LOC728743: variants seen among roughly 807,000 people sequenced by gnomAD.
chr7:150,408,007 C>T, the LOC728743 span: 5 of 398,210 alleles, frequency 1.3e-5, no homozygotes, highest in South Asian at 1.3e-4. Context: ...GCGGCCGCTG[C>T]TTCCGCGAGC....
chr7:150,403,934 G>T, the LOC728743 span, among the ~76,000 whole-genome samples: 1 of 152,220 alleles, frequency 6.6e-6, no homozygotes, highest in Admixed American at 6.5e-5. This position sits in a 1 kb window ranked among gnomAD's most constrained non-coding sequence, Gnocchi z 5.1. Context: ...GGAAGGGGCT[G>T]ATTTTACAGC....
the LOC728743 span, among the ~76,000 whole-genome samples, chr7:150,409,263 G>T: frequency 6.6e-6 from 1 of 152,036 alleles, no homozygotes; most frequent in African/African-American, 2.4e-5. Flanking sequence ...TGAGTGCTAT[G>T]ATCTCAGACT....
At chr7:150,403,585 G>A in the LOC728743 span, among the ~76,000 whole-genome samples, 1 of 152,244 alleles carries the variant, frequency 6.6e-6, no homozygotes, top group Non-Finnish European at 1.5e-5. This position sits in a 1 kb window ranked among gnomAD's most constrained non-coding sequence, Gnocchi z 5.1. Flanking sequence ...TGTGCTCCGA[G>A]TGGAGGCACG....
At chr7:150,402,376 A>G in the LOC728743 span, among the ~76,000 whole-genome samples, 1 of 152,244 alleles carries the variant, frequency 6.6e-6, no homozygotes, top group Non-Finnish European at 1.5e-5. Context: ...ACAGGGCAGC[A>G]GCTTTGCCTG....
At chr7:150,405,001 C>A in the LOC728743 span, 3 of 152,258 alleles carry the variant, frequency 2.0e-5, no homozygotes. Context: ...GTGGGCCTGG[C>A]CTTGGGATTA....
the LOC728743 span, among the ~76,000 whole-genome samples, chr7:150,401,270 C>T: frequency 3.3e-5 from 5 of 152,166 alleles, no homozygotes; most frequent in African/African-American, 4.8e-5. Flanking sequence ...TCAAGTCGTC[C>T]GGTAAGGCAG....
chr7:150,405,076 T>C, the LOC728743 span: 1 of 152,380 alleles, frequency 6.6e-6, no homozygotes, highest in East Asian at 1.9e-4. Context: ...AGGGGGAATG[T>C]CTGGGTCGGC....
the LOC728743 span, chr7:150,408,141 G>T: frequency 2.6e-6 from 1 of 389,210 alleles, no homozygotes; most frequent in Non-Finnish European, 4.5e-6. Flanking sequence ...AGCTTCGCGC[G>T]CGAGGGCTCG....
the LOC728743 span, chr7:150,411,882 T>G: frequency 6.5e-6 from 1 of 152,740 alleles, no homozygotes; most frequent in Non-Finnish European, 1.5e-5. Flanking sequence ...CTCGGACATG[T>G]CCCCTTTCCT....
At chr7:150,401,726 A>C in the LOC728743 span, among the ~76,000 whole-genome samples, 1 of 152,188 alleles carries the variant, frequency 6.6e-6, no homozygotes, top group Non-Finnish European at 1.5e-5. Context: ...TGATGATGAC[A>C]GCGCTCTATT....
the LOC728743 span, chr7:150,407,634 G>T: frequency 2.5e-6 from 1 of 398,988 alleles, no homozygotes; most frequent in Non-Finnish European, 4.4e-6. Context: ...GCGTCCTCCG[G>T]GGGCGGGTCC....
At chr7:150,410,073 C>A in the LOC728743 span, 1 of 398,526 alleles carries the variant, frequency 2.5e-6, no homozygotes, top group Non-Finnish European at 4.4e-6. Flanking sequence ...GCCAGCTGAT[C>A]GCTCCCTCCT....
the LOC728743 span, among the ~76,000 whole-genome samples, chr7:150,402,152 G>A: frequency 6.6e-6 from 1 of 152,010 alleles, no homozygotes; most frequent in Non-Finnish European, 1.5e-5. Flanking sequence ...CCATGGAAAG[G>A]GAAAAAAGGG....
At chr7:150,405,287 C>T in the LOC728743 span, 1 of 152,272 alleles carries the variant, frequency 6.6e-6, no homozygotes, top group African/African-American at 2.4e-5. Flanking sequence ...GGCGCTGCAG[C>T]GGAGACGGAA....
chr7:150,408,058 G>T, the LOC728743 span: 1 of 387,284 alleles, frequency 2.6e-6, no homozygotes, highest in Non-Finnish European at 4.6e-6. Context: ...ACGCGCGCAT[G>T]CCCGCGCCGC....
At chr7:150,409,328 G>A in the LOC728743 span, among the ~76,000 whole-genome samples, 2 of 152,282 alleles carry the variant, frequency 1.3e-5, no homozygotes, top group South Asian at 4.2e-4. Context: ...TGTGGGAAGA[G>A]CTGGAGCCTC....
chr7:150,407,258 T>C, the LOC728743 span, among the ~76,000 whole-genome samples: 1 of 152,088 alleles, frequency 6.6e-6, no homozygotes, highest in Non-Finnish European at 1.5e-5. Context: ...AGAGGTGGCA[T>C]GACTGACCCT....
chr7:150,404,144 G>GT, the LOC728743 span, among the ~76,000 whole-genome samples: 1 of 152,316 alleles, frequency 6.6e-6, no homozygotes, highest in South Asian at 2.1e-4. Context: ...AGAGAGTCGC[G>GT]TTTCTCCACC....
At chr7:150,403,430 G>A in the LOC728743 span, among the ~76,000 whole-genome samples, 1 of 152,206 alleles carries the variant, frequency 6.6e-6, no homozygotes, top group South Asian at 2.1e-4. The surrounding 1 kb of genome is among the most constrained non-coding windows in gnomAD (Gnocchi z 5.1). Flanking sequence ...AAATATGGGA[G>A]ACATCCTCAG....
Sources: allele counts gnomAD v4.1 joint callset (sites outside exome capture counted in the v4.1 genomes callset), GRCh38; gene constraint gnomAD v4.1.1; non-coding constraint Gnocchi (gnomAD v3.1); transcripts MANE v1.5.